Variants in SPATA31F1 observed in about 807,000 individuals in gnomAD.
SPATA31F1 encodes SPATA31 subfamily F member 1, also known as protein SPATA31F1.
At chr9:34,727,681 A>G in the SPATA31F1 span, among the ~76,000 whole-genome samples, 1 of 152,228 alleles carries the variant, frequency 6.6e-6, no homozygotes, top group Non-Finnish European at 1.5e-5. Flanking sequence ...AGAATAAGAC[A>G]AGGATGACTT....
At chr9:34,723,097 C>G in the SPATA31F1 span, 1 of 1,082,298 alleles carries the variant, frequency 9.2e-7, no homozygotes, top group South Asian at 1.7e-5. Context: ...TCTGTCCCAC[C>G]TGCACATTTA....
chr9:34,723,766 G>A, the SPATA31F1 span: 12 of 1,551,570 alleles, frequency 7.7e-6, no homozygotes, highest in African/African-American at 1.4e-5. Context: ...ACACAGTCTG[G>A]GCATTCTCAG....
chr9:34,725,409 T>C, the SPATA31F1 span: 1 of 1,181,634 alleles, frequency 8.5e-7, no homozygotes, highest in African/African-American at 1.6e-5. Flanking sequence ...GACTGCTGGA[T>C]CTTCTGAGGC....
the SPATA31F1 span, chr9:34,724,532 T>A: frequency 2.6e-6 from 4 of 1,550,922 alleles, no homozygotes; most frequent in South Asian, 3.6e-5. Flanking sequence ...AATTCCCCAT[T>A]GTATCTCTAG....
the SPATA31F1 span, chr9:34,727,109 G>A: frequency 1.4e-6 from 2 of 1,431,592 alleles, no homozygotes; most frequent in Non-Finnish European, 1.8e-6. Flanking sequence ...ATACCATCTT[G>A]TTGTCTACCT....
the SPATA31F1 span, chr9:34,723,462 G>A: frequency 3.9e-6 from 6 of 1,551,762 alleles, no homozygotes; most frequent in South Asian, 7.1e-5. Context: ...CTCCCCACAG[G>A]GCTCTTGGCT....
At chr9:34,723,972 T>A in the SPATA31F1 span, 5 of 1,550,914 alleles carry the variant, frequency 3.2e-6, no homozygotes, top group East Asian at 4.9e-5. Context: ...GGTGTCTTGT[T>A]TGGAAGCATC....
At chr9:34,726,605 T>G in the SPATA31F1 span, 251 of 1,551,746 alleles carry the variant, frequency 1.6e-4, 1 homozygote, top group Admixed American at 2.9e-4. Context: ...CCGGAGCACA[T>G]CTGGCACTTG....
At chr9:34,723,886 C>G in the SPATA31F1 span, 1 of 1,551,610 alleles carries the variant, frequency 6.4e-7, no homozygotes, top group Non-Finnish European at 8.7e-7. Flanking sequence ...GGAGCTTAAG[C>G]TGAGGGTGAT....
the SPATA31F1 span, chr9:34,723,516 C>T: frequency 1.7e-5 from 26 of 1,551,812 alleles, no homozygotes; most frequent in South Asian, 3.1e-4. Context: ...GTTTTGGCCA[C>T]CTTCGCAGCG....
chr9:34,723,863 G>A, the SPATA31F1 span: 2 of 1,551,698 alleles, frequency 1.3e-6, no homozygotes, highest in Non-Finnish European at 1.7e-6. Context: ...AGGGACTCGT[G>A]GAGGTAGCTG....
the SPATA31F1 span, chr9:34,728,651 G>T: frequency 6.4e-7 from 1 of 1,551,454 alleles, no homozygotes; most frequent in South Asian, 1.2e-5. Flanking sequence ...ACTTTTTGGT[G>T]ACACTTAGAA....
At chr9:34,729,115 C>T in the SPATA31F1 span, among the ~76,000 whole-genome samples, 30 of 151,980 alleles carry the variant, frequency 2.0e-4, no homozygotes, top group African/African-American at 2.7e-4. Flanking sequence ...GACTATGTTG[C>T]GGGAAGGGCC....
At chr9:34,728,230 C>T in the SPATA31F1 span, 126 of 661,940 alleles carry the variant, frequency 1.9e-4, no homozygotes, top group South Asian at 9.9e-4. Context: ...AGTACAGCAT[C>T]GCTGTAACAC....
the SPATA31F1 span, chr9:34,725,849 G>A: frequency 1.3e-4 from 202 of 1,551,634 alleles, no homozygotes; most frequent in Non-Finnish European, 1.7e-4. Context: ...ATCCTTCAAG[G>A]GGGGCTTGGG....
At chr9:34,725,560 C>CTG in the SPATA31F1 span, 2 of 1,417,676 alleles carry the variant, frequency 1.4e-6, no homozygotes, top group African/African-American at 2.8e-5. Context: ...TCTCAGGAGA[C>CTG]TGAGCTTTGC....
the SPATA31F1 span, chr9:34,724,820 T>G: frequency 6.4e-7 from 1 of 1,550,930 alleles, no homozygotes; most frequent in Non-Finnish European, 8.7e-7. Context: ...GATGACAGAT[T>G]GGCTAGTGAC....
At chr9:34,723,780 T>C in the SPATA31F1 span, 2 of 1,551,694 alleles carry the variant, frequency 1.3e-6, no homozygotes, top group Non-Finnish European at 1.7e-6. Flanking sequence ...TTCTCAGGAA[T>C]TGTCGCTGGT....
the SPATA31F1 span, among the ~76,000 whole-genome samples, chr9:34,728,438 A>G: frequency 1.3e-5 from 2 of 152,166 alleles, no homozygotes; most frequent in Non-Finnish European, 2.9e-5. Context: ...GAGGTACAGG[A>G]TTTTGGAACA....
Sources: gnomAD v4.1 joint callset for allele counts (sites outside exome capture counted in the v4.1 genomes callset) on GRCh38, gnomAD v4.1.1 for gene constraint, MANE v1.5 for transcripts, NCBI Gene and HGNC (gene_info 2026-07-23, HGNC 2026-07-21) for gene names.